EGFR: variants seen among roughly 807,000 people sequenced by gnomAD.
EGFR encodes epidermal growth factor receptor, also known as avian erythroblastic leukemia viral (v-erb-b) oncogene homolog.
In EGFR, 58 loss-of-function variants were observed where a neutral mutation model predicts 143.0. That is an observed-to-expected ratio of 0.41 (90% CI 0.33 to 0.50). EGFR has a LOEUF of 0.50. EGFR is among the 20% of genes least tolerant of loss of function. The pLI, the probability that EGFR is intolerant of heterozygous loss-of-function variation, is 0.39. For missense variants in EGFR, 1,307 were observed against 1,579.0 expected (o/e 0.83, Z 2.92); for synonymous variants, 613 against 594.4 (o/e 1.03, Z -0.45).
intron 1 of EGFR, among the ~76,000 whole-genome samples, chr7:55,092,287 G>C (rs1383079453): frequency 6.6e-6 from 1 of 152,168 alleles, no homozygotes; most frequent in Non-Finnish European, 1.5e-5. Context: ...CAATGTATTT[G>C]AGAAGCCCAG....
rs183811145 is a variant in EGFR at position 55,157,786 on chromosome 7, A to T, written c.1298+33A>T. 151 of 1,608,074 alleles carry T rather than the reference A, an allele frequency of 9.4e-5. No individual in the cohort carries two copies. The African/African-American group carries it at 1.7e-3, about 18-fold the overall frequency. On this transcript the variant is annotated intron_variant, in intron 11 of 27. Transcript: ENST00000275493. ...GACCACAGCCAAAGCCTGGTAGATT[A>T]CATTTGCCTTTTTAGTTGGAAATTA...
intron 1 of EGFR, among the ~76,000 whole-genome samples, chr7:55,028,779 T>G (rs1787083544): frequency 6.6e-6 from 1 of 152,154 alleles, no homozygotes; most frequent in Admixed American, 6.5e-5. Flanking sequence ...AGTTAAGCAA[T>G]TATCTGTTTA....
intron 1 of EGFR, among the ~76,000 whole-genome samples, chr7:55,027,008 C>A (rs759034932): frequency 1.8e-4 from 28 of 152,186 alleles, no homozygotes; most frequent in Non-Finnish European, 3.5e-4. Context: ...GAAGGGCAGG[C>A]CCCGGTCTGT....
chr7:55,089,673 C>G (rs1327449877), intron 1 of EGFR, among the ~76,000 whole-genome samples: 1 of 152,216 alleles, frequency 6.6e-6, no homozygotes, highest in Non-Finnish European at 1.5e-5. Flanking sequence ...AACCAGCCTA[C>G]TGACACATCT....
intron 1 of EGFR, among the ~76,000 whole-genome samples, chr7:55,105,254 C>A (rs796073378): frequency 3.9e-5 from 6 of 152,254 alleles, no homozygotes; most frequent in African/African-American, 1.4e-4. Context: ...ATACCACATA[C>A]CTTTTGGTGT....
chr7:55,206,921 C>T lies in EGFR; in HGVS notation c.*1304C>T, dbSNP rs748540519. On this transcript the variant is annotated 3_prime_UTR_variant, in exon 28 of 28. Coordinates refer to ENST00000275493, the MANE Select transcript of EGFR (RefSeq NM_005228.5). ...TGGAATTCAGGTAGTAAATATGAAA[C>T]TAGGGTTTGAAATTGATAATGCTTT... is the stretch of plus-strand genomic sequence containing the variant. 3.9e-5 allele frequency: 9 copies of T among 233,044 alleles called. No individual in the cohort carries two copies. Among genetic ancestry groups the T allele is most frequent in the Non-Finnish European group, 7.6e-5 (9 of 118,020 alleles). 14.4% of individuals were successfully genotyped at this position (233,044 alleles called of 1,614,324 possible).
rs890682749 is a variant in EGFR, at chr7:55,209,711, A to G, written c.*4094A>G. On this transcript the variant is annotated 3_prime_UTR_variant, in exon 28 of 28. Coordinates refer to ENST00000275493, the MANE Select transcript of EGFR (RefSeq NM_005228.5). ...CAGGGGTACAGCTTTGTACTATTGA[A>G]GACACAGACAGGATTTTTAAATGTA... 6.6e-6 allele frequency: 1 copy of G among 152,250 alleles called. No homozygotes were observed. Among genetic ancestry groups the G allele is most frequent in the Non-Finnish European group, 1.5e-5 (1 of 68,050 alleles). 9.4% of individuals were successfully genotyped at this position (152,250 alleles called of 1,614,324 possible).
intron 1 of EGFR, among the ~76,000 whole-genome samples, chr7:55,085,150 G>GA (rs1007514235): frequency 4.0e-5 from 6 of 150,796 alleles, no homozygotes; most frequent in Non-Finnish European, 7.4e-5. Flanking sequence ...AGCCTGGCTA[G>GA]AAAAAAAAAC....
rs372759563 is a variant in EGFR at position 55,044,787 on chromosome 7, G to A, written c.88+25422G>A. Among the ~76,000 whole-genome samples the A allele has an allele frequency of 3.1e-4, 47 of 152,266 alleles. 1 individual carries two copies. Among genetic ancestry groups the A allele is most frequent in the East Asian group, 3.9e-4 (2 of 5,190 alleles). The stretch of plus-strand genomic sequence containing the variant: ...ACTTCAGTCACTTATGCCTATAAGC[G>A]GGCATACAACAGGGGCACAATAAAT... On this transcript the variant is annotated intron_variant, in intron 1 of 27. Transcript: ENST00000275493.
At chr7:55,084,570 G>C (rs907513599) in intron 1 of EGFR, among the ~76,000 whole-genome samples, 3 of 152,182 alleles carry the variant, frequency 2.0e-5, no homozygotes, top group African/African-American at 7.2e-5. Flanking sequence ...GGGTCAAGTT[G>C]CATTAAGAGA....
chr7:55,136,509 CAT>C (rs1430585378), intron 1 of EGFR, among the ~76,000 whole-genome samples: 19 of 152,172 alleles, frequency 1.2e-4, no homozygotes, highest in African/African-American at 9.7e-5. Flanking sequence ...ATAAATCCAA[CAT>C]GTGTGTGTGC....
Position 55,181,099 on chromosome 7 carries a change from C to T in EGFR, c.2284-194C>T. ...GATGCACCCAGGAGGGGCCCTCTCCCACTGCATCTGTCACTTCACAGCCCT... is the reference window on the plus strand; with the variant it reads ...GATGCACCCAGGAGGGGCCCTCTCCTACTGCATCTGTCACTTCACAGCCCT... On this transcript the variant is annotated intron_variant, in intron 19 of 27. Transcript: ENST00000275493. 3 of 684,640 alleles carry T rather than the reference C, an allele frequency of 4.4e-6. No individual in the cohort carries two copies. The East Asian group carries it at 8.1e-5, about 19-fold the overall frequency. The allele number at this position is 684,640 out of a possible 1,614,324, so 42.4% of individuals were successfully genotyped here. A position where few individuals can be genotyped will look rare whatever the true frequency, so the allele number is the denominator to read the frequency against.
chr7:55,205,002 T>C (rs1355215898), intron 27 of EGFR, among the ~76,000 whole-genome samples: 1 of 151,844 alleles, frequency 6.6e-6, no homozygotes, highest in Non-Finnish European at 1.5e-5. Context: ...CACACACACA[T>C]ACACACACTC....
At chr7:55,110,276 G>A (rs1357068687) in intron 1 of EGFR, among the ~76,000 whole-genome samples, 5 of 152,176 alleles carry the variant, frequency 3.3e-5, no homozygotes. Context: ...TTCTGTGCCA[G>A]TAGGAATGTA....
chr7:55,055,065 T>C (rs1040814011), intron 1 of EGFR, among the ~76,000 whole-genome samples: 1 of 151,642 alleles, frequency 6.6e-6, no homozygotes, highest in Non-Finnish European at 1.5e-5. Context: ...CGATGGGGGG[T>C]TTCCCTGACT....
chr7:55,073,656 T>A (rs1032527030), intron 1 of EGFR, among the ~76,000 whole-genome samples: 3 of 152,246 alleles, frequency 2.0e-5, no homozygotes, highest in African/African-American at 4.8e-5. Context: ...CTTCGTCCCA[T>A]GTGTCCCATG....
intron 1 of EGFR, among the ~76,000 whole-genome samples, chr7:55,102,520 C>T (rs1271656376): frequency 2.0e-5 from 3 of 152,260 alleles, no homozygotes; most frequent in Middle Eastern, 6.8e-3. Context: ...TGAACTGCAG[C>T]GTCTGCTGCT....
chr7:55,031,522 A>AGC (rs1019729760), intron 1 of EGFR, among the ~76,000 whole-genome samples: 8 of 151,370 alleles, frequency 5.3e-5, no homozygotes, highest in African/African-American at 1.7e-4. Context: ...TGTCAGGGAG[A>AGC]GAGTTGAATG....
chr7:55,179,522 G>A (rs1482574455), intron 19 of EGFR, among the ~76,000 whole-genome samples: 2 of 152,202 alleles, frequency 1.3e-5, no homozygotes, highest in Non-Finnish European at 2.9e-5. Flanking sequence ...TAAGGGTGGA[G>A]GGAAGCTCTC....
Sources: gnomAD v4.1 joint callset for allele counts (sites outside exome capture counted in the v4.1 genomes callset) on GRCh38, gnomAD v4.1.1 for gene constraint, MANE v1.5 for transcripts, NCBI Gene and HGNC (gene_info 2026-07-23, HGNC 2026-07-21) for gene names.